Variants in SUMF1 observed in about 807,000 individuals in gnomAD.
SUMF1 encodes the protein sulfatase modifying factor 1, also known as formylglycine-generating enzyme.
SUMF1 carries 48 observed loss-of-function variants against 47.6 expected under a neutral mutation model. The observed-to-expected ratio is 1.01, with a 90% CI of 0.80 to 1.28. The LOEUF is 1.28. Ranked by LOEUF, SUMF1 falls within the 50% of genes most tolerant of loss-of-function variation. SUMF1 has a pLI of 0.00. For synonymous variants in SUMF1, 230 were observed against 192.1 expected, an observed-to-expected ratio of 1.20 and a Z score of -1.63; for missense variants, 571 against 485.4, an observed-to-expected ratio of 1.18 and a Z score of -1.66.
At position 4,075,038 on chromosome 3, in the gene SUMF1, C is replaced by CA. The variant is rs200426947; in HGVS notation, c.1015-6294dup. On this transcript the variant is annotated intron_variant and NMD_transcript_variant, in intron 8 of 12. Transcript: ENST00000448413. ...ATACCAAAGCCTGGCAGAGACACAA[C>CA]AAAAAAAAGGGAATTTTAGGCCAAT... is the stretch of plus-strand genomic sequence containing the variant. Among the ~76,000 whole-genome samples the CA allele has an allele frequency of 8.4e-4, 128 of 151,640 alleles. 1 individual carries two copies. In the East Asian group the frequency reaches 0.015, roughly 17 times the overall value.
At chr3:4,130,133 C>T (rs757901834) in intron 8 of SUMF1, among the ~76,000 whole-genome samples, 3 of 152,084 alleles carry the variant, frequency 2.0e-5, no homozygotes, top group Non-Finnish European at 4.4e-5. Context: ...CCCCATTCAA[C>T]TCTCCCATTT....
At chr3:4,466,828 G>A (rs2079960484) in intron 1 of SUMF1, 148 bp downstream of exon 1, 1 of 1,241,106 alleles carries the variant, frequency 8.1e-7, no homozygotes, top group African/African-American at 1.5e-5. Context: ...CACGGAGAAG[G>A]AACTCCTCAT....
At chr3:4,399,444 G>C (rs1323050255) in intron 7 of SUMF1, among the ~76,000 whole-genome samples, 1 of 152,096 alleles carries the variant, frequency 6.6e-6, no homozygotes, top group Non-Finnish European at 1.5e-5. Context: ...TTATGAACAT[G>C]GACTACTCTA....
At position 4,257,659 on chromosome 3, in the gene SUMF1, T is replaced by A. The variant is rs1234617317; in HGVS notation, c.1014+118671A>T. Among the ~76,000 whole-genome samples the A allele has an allele frequency of 2.0e-5, 3 of 149,106 alleles. No individual in the cohort carries two copies. The South Asian group carries it at 6.4e-4, about 32-fold the overall frequency. The stretch of plus-strand genomic sequence containing the variant: ...ATTCCATGCTCATGGGTAGGAAGAA[T>A]CAATATCATGAAAATGGCCATACTG... On this transcript the variant is annotated intron_variant and NMD_transcript_variant, in intron 8 of 12. Transcript: ENST00000448413.
intron 3 of SUMF1, among the ~76,000 whole-genome samples, chr3:4,446,011 T>C (rs968012221): frequency 6.6e-6 from 1 of 152,250 alleles, no homozygotes; most frequent in Non-Finnish European, 1.5e-5. Context: ...CAATTCATTA[T>C]CTTAAAAGCT....
chr3:4,189,717 C>CTAAAAA (rs60621966), intron 8 of SUMF1, among the ~76,000 whole-genome samples: 134,407 of 151,630 alleles, frequency 0.89, 59,648 homozygotes, highest in Middle Eastern at 0.94. Flanking sequence ...GAGAAGAAAA[C>CTAAAAA]TAAATGACCC....
At chr3:4,400,609 T>G (rs1240380786) in intron 7 of SUMF1, among the ~76,000 whole-genome samples, 1 of 152,228 alleles carries the variant, frequency 6.6e-6, no homozygotes, top group African/African-American at 2.4e-5. Flanking sequence ...AAGAGGCGCT[T>G]AGAAACCGTA....
intron 8 of SUMF1, among the ~76,000 whole-genome samples, chr3:4,319,465 A>G (rs1041290052): frequency 6.6e-6 from 1 of 152,128 alleles, no homozygotes; most frequent in Non-Finnish European, 1.5e-5. Context: ...ATTATGATGA[A>G]TGAGGGGGTC....
chr3:4,312,920 G>C, intron 8 of SUMF1: 2 of 1,612,782 alleles, frequency 1.2e-6, no homozygotes, highest in Non-Finnish European at 8.5e-7. Flanking sequence ...CATGTAGTTG[G>C]ACCTGGAGCA....
chr3:4,344,272 C>T (rs953637096), intron 8 of SUMF1, among the ~76,000 whole-genome samples: 1 of 152,162 alleles, frequency 6.6e-6, no homozygotes, highest in African/African-American at 2.4e-5. Flanking sequence ...GGAAGGGGAA[C>T]CCCCATTGGC....
At chr3:4,374,449 T>A (rs1467478090) in intron 8 of SUMF1, among the ~76,000 whole-genome samples, 2 of 152,178 alleles carry the variant, frequency 1.3e-5, no homozygotes, top group African/African-American at 4.8e-5. Context: ...AAAATGTAGA[T>A]TACAAATAAG....
intron 8 of SUMF1, among the ~76,000 whole-genome samples, chr3:4,158,914 G>C (rs946843132): frequency 4.0e-5 from 6 of 151,410 alleles, no homozygotes; most frequent in African/African-American, 1.5e-4. Flanking sequence ...AGATCGTTGA[G>C]TCTCTTTTTT....
chr3:4,386,160 C>CA (rs933384271), intron 7 of SUMF1, among the ~76,000 whole-genome samples: 16 of 152,080 alleles, frequency 1.1e-4, no homozygotes, highest in African/African-American at 3.9e-4. Context: ...TCAATATCTA[C>CA]AAAAAATCTT....
intron 8 of SUMF1, among the ~76,000 whole-genome samples, chr3:4,273,812 G>GGA (rs1697358337): frequency 8.1e-6 from 1 of 123,138 alleles, no homozygotes; most frequent in Non-Finnish European, 1.7e-5. Flanking sequence ...GGGAGGGGAG[G>GGA]GCATGGGAGG....
intron 8 of SUMF1, among the ~76,000 whole-genome samples, chr3:4,267,714 A>G (rs1389414965): frequency 1.3e-5 from 2 of 150,954 alleles, no homozygotes; most frequent in African/African-American, 4.9e-5. Context: ...TAGAATGGCA[A>G]TCATTAAAAA....
intron 8 of SUMF1, among the ~76,000 whole-genome samples, chr3:4,135,727 C>T (rs1449568753): frequency 6.6e-6 from 1 of 152,142 alleles, no homozygotes; most frequent in Non-Finnish European, 1.5e-5. Context: ...TAGAAAACCC[C>T]ATCATCTCAG....
intron 8 of SUMF1, among the ~76,000 whole-genome samples, chr3:4,213,795 G>T (rs970184497): frequency 6.6e-6 from 1 of 152,112 alleles, no homozygotes; most frequent in African/African-American, 2.4e-5. Flanking sequence ...AACCAACAAA[G>T]ATCAAAAGAG....
At chr3:4,291,415 C>T (rs1165713166) in intron 8 of SUMF1, among the ~76,000 whole-genome samples, 1 of 152,098 alleles carries the variant, frequency 6.6e-6, no homozygotes, top group African/African-American at 2.4e-5. Flanking sequence ...CATTTCTCTT[C>T]CATTTTTACT....
Position 4,137,940 on chromosome 3 carries a change from GAACT to G in SUMF1, c.1015-69199_1015-69196del, listed in dbSNP as rs776198113. ...ACACACACACACACACACATTATTA[GAACT>G]AATAAGTGAGTTCAGCAAGGTTGCT... On this transcript the variant is annotated intron_variant and NMD_transcript_variant, in intron 8 of 12. Transcript: ENST00000448413. 9.4e-4 allele frequency among the ~76,000 whole-genome samples: 142 copies of G among 150,452 alleles called. 2 individuals carry two copies. The highest frequency in any genetic ancestry group is 3.4e-3 in the Middle Eastern group (1 of 292).
Sources: allele counts gnomAD v4.1 joint callset (sites outside exome capture counted in the v4.1 genomes callset), GRCh38; gene constraint gnomAD v4.1.1; transcripts MANE v1.5; gene names NCBI Gene and HGNC (gene_info 2026-07-23, HGNC 2026-07-21).